Variants in AKTIP observed in about 807,000 individuals in gnomAD.
The protein encoded by AKTIP is AKT interacting protein.
Under a neutral mutation model 39.1 loss-of-function variants are expected in AKTIP, and 16 were observed. The observed-to-expected ratio is 0.41, with a 90% CI of 0.28 to 0.62. AKTIP has a LOEUF of 0.62. AKTIP is among the 20% of genes least tolerant of loss of function. AKTIP has a pLI of 0.32. For missense variants in AKTIP, 262 were observed against 356.6 expected, an observed-to-expected ratio of 0.73 and a Z score of 2.14; for synonymous variants, 93 against 124.3, an observed-to-expected ratio of 0.75 and a Z score of 1.67.
intron 5 of AKTIP, 64 bp downstream of exon 5, chr16:53,495,009 C>CTG (rs1567757432): frequency 7.1e-7 from 1 of 1,407,786 alleles, no homozygotes; most frequent in South Asian, 1.2e-5. Flanking sequence ...ACCAGGAAAG[C>CTG]TGTAAGCCCT....
rs750806890 is a variant in AKTIP at position 53,492,725 on chromosome 16, C to T, written c.739G>A (p.Asp247Asn). ...SFSPWNPSVH[D>N]EAREKMLTQK... Reference sequence around the variant, plus strand: ...GTCAGCATCTTTTCTCTGGCTTCATCATGTACAGAAGGATTCCATGGAGAA... The same window carrying T: ...GTCAGCATCTTTTCTCTGGCTTCATTATGTACAGAAGGATTCCATGGAGAA... The change falls in exon 9 of 10, where the codon GAT becomes AAT. Residue 247 changes from aspartate (D) to asparagine (N), a missense_variant. Physicochemically the swap from Asp to Asn is conservative, Grantham distance 23. Transcript: ENST00000394657. The T allele has an allele frequency of 3.1e-6, 5 of 1,613,976 alleles. No individual in the cohort carries two copies. The highest frequency in any genetic ancestry group is 2.5e-6 in the Non-Finnish European group (3 of 1,179,972).
At chr16:53,498,651 A>G in intron 2 of AKTIP, 55 bp from the exon 3 acceptor site, 1 of 1,543,782 alleles carries the variant, frequency 6.5e-7, no homozygotes, top group Non-Finnish European at 9.0e-7. Context: ...AAATCACAAG[A>G]GTACATTATT....
At chr16:53,499,224 G>A (rs1224354379) in intron 2 of AKTIP, among the ~76,000 whole-genome samples, 4 of 152,156 alleles carry the variant, frequency 2.6e-5, no homozygotes, top group East Asian at 1.9e-4. Flanking sequence ...CTTCCTTGGC[G>A]CAAGTACAAC....
chr16:53,495,033 G>A (rs377449360), intron 5 of AKTIP, 40 bp downstream of exon 5: 51 of 1,559,686 alleles, frequency 3.3e-5, no homozygotes, highest in Non-Finnish European at 4.1e-5. Context: ...AGCCCTTCTC[G>A]CTGATCCACA....
intron 1 of AKTIP, 52 bp from the exon 2 acceptor site, chr16:53,500,381 C>T (rs1300409576): frequency 4.2e-6 from 4 of 953,730 alleles, no homozygotes; most frequent in Non-Finnish European, 5.7e-6. Flanking sequence ...ACCATTAAGA[C>T]TTTTTTTTTT....
At position 53,495,193 on chromosome 16, in the gene AKTIP, A is replaced by C. The variant is rs1480738604; in HGVS notation, c.314-20T>G. 6.2e-7 allele frequency: 1 copy of C among 1,612,566 alleles called. No individual in the cohort carries two copies. Among genetic ancestry groups the C allele is most frequent in the Non-Finnish European group, 8.5e-7 (1 of 1,178,890 alleles). On this transcript the variant is annotated intron_variant, in intron 4 of 9. Coordinates refer to ENST00000394657, the MANE Select transcript of AKTIP (RefSeq NM_022476.4). ...ACCACACTGTAGGAAAAAATAAAAG[A>C]GTTAAGGCCTAAATTTGTGTGGGAG...
At chr16:53,492,595 C>CA (rs1320821076) in intron 9 of AKTIP, 76 bp from the exon 10 acceptor site, 28 of 1,596,066 alleles carry the variant, frequency 1.8e-5, no homozygotes, top group Non-Finnish European at 2.3e-5. Context: ...ACTTGTTTCC[C>CA]AAAAAAAGTT....
rs1245275008 is a variant in AKTIP at position 53,491,841 on chromosome 16, A to C, written c.*571T>G. On this transcript the variant is annotated 3_prime_UTR_variant, in exon 10 of 10. Coordinates refer to ENST00000394657, the MANE Select transcript of AKTIP (RefSeq NM_022476.4). ...ATACAGTAAGTAATTTGCTTAAAAA[A>C]AACAACACAACACTAGGAACAAGTG... The C allele has an allele frequency of 6.5e-6, 1 of 152,672 alleles. No homozygotes were observed. The highest frequency in any genetic ancestry group is 1.9e-4 in the East Asian group (1 of 5,194). 9.5% of individuals were successfully genotyped at this position (152,672 alleles called of 1,614,324 possible). A position where few individuals can be genotyped will look rare whatever the true frequency, so the allele number is the denominator to read the frequency against.
intron 2 of AKTIP, among the ~76,000 whole-genome samples, chr16:53,499,083 C>G (rs1962013609): frequency 6.6e-6 from 1 of 152,190 alleles, no homozygotes; most frequent in South Asian, 2.1e-4. Flanking sequence ...CTCTCACTTG[C>G]CTGGGTCTGA....
At chr16:53,497,187 C>A (rs1428204357) in intron 3 of AKTIP, among the ~76,000 whole-genome samples, 2 of 152,212 alleles carry the variant, frequency 1.3e-5, no homozygotes, top group African/African-American at 4.8e-5. Context: ...TTAACAAATT[C>A]TCTAATGAAA....
chr16:53,495,084 C>T lies in AKTIP; in HGVS notation c.403G>A (p.Gly135Ser). ...TVYIPDNYPD[G>S]DCPRLVFDIP... is the part of the protein sequence containing the mutation. ...TGTCTCCAACTTACTGGACAGTCAC[C>T]ATCTGGATAGTTATCAGGGATGTAA... The change falls in exon 5 of 10, where the codon GGT becomes AGT. Residue 135 changes from glycine to serine, a missense_variant. Physicochemically the swap from Gly to Ser is moderately conservative, Grantham distance 56. Transcript: ENST00000394657. 1.2e-6 allele frequency: 2 copies of T among 1,613,876 alleles called. No individual in the cohort carries two copies. The highest frequency in any genetic ancestry group is 1.7e-6 in the Non-Finnish European group (2 of 1,179,738).
Position 53,494,411 on chromosome 16 carries a change from A to G in AKTIP, c.530T>C (p.Val177Ala). 3 of 1,614,158 alleles carry G rather than the reference A, an allele frequency of 1.9e-6. No homozygotes were observed. Among genetic ancestry groups the G allele is most frequent in the Non-Finnish European group, 1.7e-6 (2 of 1,180,030 alleles). Reference sequence around the variant, plus strand: ...GAAAACTCTCCTTGCATACATTAATACCTGCCAAATATGATTATGGTTCCG... The same window carrying G: ...GAAAACTCTCCTTGCATACATTAATGCCTGCCAAATATGATTATGGTTCCG... ...WRRNHNHIWQ[V>A]LMYARRVFYK... The change falls in exon 7 of 10, where the codon GTA (valine) becomes GCA (alanine). Residue 177 changes from valine to alanine, a missense_variant. By Grantham distance (64) the Val-to-Ala change is moderately conservative. This residue lies in a region of AKTIP where 145 missense variants were observed against 159.3 expected (regional missense o/e 0.91). Coordinates refer to ENST00000394657, the MANE Select transcript of AKTIP (RefSeq NM_022476.4).
Position 53,491,713 on chromosome 16 carries a change from A to C in AKTIP, c.*699T>G, listed in dbSNP as rs539140547. The C allele has an allele frequency of 6.5e-6, 1 of 152,776 alleles. No homozygotes were observed. The highest frequency in any genetic ancestry group is 6.5e-5 in the Admixed American group (1 of 15,298). The allele number at this position is 152,776 out of a possible 1,614,324, so 9.5% of individuals were successfully genotyped here. A position where few individuals can be genotyped will look rare whatever the true frequency, so the allele number is the denominator to read the frequency against. On this transcript the variant is annotated 3_prime_UTR_variant, in exon 10 of 10. Coordinates refer to ENST00000394657, the MANE Select transcript of AKTIP (RefSeq NM_022476.4). The stretch of plus-strand genomic sequence containing the variant: ...CATAAATGGCAAAGAACAATCATTT[A>C]TTGGTTTATTTTGTCTCTACTAAAC...
At chr16:53,494,862 G>T in intron 5 of AKTIP, 1 of 728,112 alleles carries the variant, frequency 1.4e-6, no homozygotes, top group Non-Finnish European at 2.5e-6. Flanking sequence ...CAGGATGGCA[G>T]GCAGCCAGCC....
chr16:53,499,177 G>A (rs182214326), intron 2 of AKTIP, among the ~76,000 whole-genome samples: 2 of 152,318 alleles, frequency 1.3e-5, no homozygotes, highest in African/African-American at 4.8e-5. Context: ...GACAAAGGTC[G>A]ACATGAGTCA....
At chr16:53,492,544 A>G (rs1360006966) in intron 9 of AKTIP, 25 bp from the exon 10 acceptor site, 2 of 1,612,744 alleles carry the variant, frequency 1.2e-6, no homozygotes, top group South Asian at 1.1e-5. Flanking sequence ...CAAAACAGAT[A>G]TTTAAAAAAT....
Position 53,495,056 on chromosome 16 carries a change from CTG to C in AKTIP, c.414+15_414+16del. 6.2e-7 allele frequency: 1 copy of C among 1,605,590 alleles called. No homozygotes were observed. The highest frequency in any genetic ancestry group is 8.5e-7 in the Non-Finnish European group (1 of 1,172,182). On this transcript the variant is annotated intron_variant, in intron 5 of 9. Transcript: ENST00000394657. ...TCGCTGATCCACAAATAAAGCCAGACTGTGTCTCCAACTTACTGGACAGTCAC... is the reference window on the plus strand; with the variant it reads ...TCGCTGATCCACAAATAAAGCCAGACTGTCTCCAACTTACTGGACAGTCAC...
Position 53,494,890 on chromosome 16 carries a change from G to A in AKTIP, c.414+183C>T. On this transcript the variant is annotated intron_variant, in intron 5 of 9. Transcript: ENST00000394657. ...AGCCAGCCTCCCTTGCAGACCCTGA[G>A]CAGAGAAACAAAGCTCTGATGGCAT... 3 of 745,556 alleles carry A rather than the reference G, an allele frequency of 4.0e-6. No homozygotes were observed. The East Asian group carries it at 8.0e-5, about 20-fold the overall frequency. The allele number at this position is 745,556 out of a possible 1,614,324, so 46.2% of individuals were successfully genotyped here.
rs1886470140 is a variant in AKTIP, at chr16:53,491,222, T to A, written c.*1190A>T. The stretch of plus-strand genomic sequence containing the variant: ...ATATGAAAACTTATGACCTCTTCCT[T>A]TAGGAGGGAGTTATCTAAAAGAAAT... On this transcript the variant is annotated 3_prime_UTR_variant, in exon 10 of 10. Transcript: ENST00000394657. The A allele has an allele frequency of 6.6e-6, 1 of 152,184 alleles. No individual in the cohort carries two copies. Among genetic ancestry groups the A allele is most frequent in the Non-Finnish European group, 1.5e-5 (1 of 68,022 alleles). 9.4% of individuals were successfully genotyped at this position (152,184 alleles called of 1,614,324 possible).
Sources: allele counts gnomAD v4.1 joint callset (sites outside exome capture counted in the v4.1 genomes callset), GRCh38; gene constraint gnomAD v4.1.1; regional missense constraint gnomAD v4.1.1; transcripts MANE v1.5; gene names NCBI Gene and HGNC (gene_info 2026-07-23, HGNC 2026-07-21).